Variants in TBL1XR1 observed in about 807,000 individuals in gnomAD.
TBL1XR1 encodes the protein F-box-like/WD repeat-containing protein TBL1XR1.
In TBL1XR1, 5 loss-of-function variants were observed where a neutral mutation model predicts 66.9. That is an observed-to-expected ratio of 0.07 (90% CI 0.04 to 0.16). TBL1XR1 has a LOEUF of 0.16. Ranked by LOEUF, TBL1XR1 falls within the 10% of genes least tolerant of loss-of-function variation. The probability of loss-of-function intolerance (pLI) is 1.00; values close to 1 mark genes in which losing one functional copy is unlikely to be tolerated. For missense variants in TBL1XR1, 238 were observed against 623.2 expected, an observed-to-expected ratio of 0.38 and a Z score of 6.58; for synonymous variants, 210 against 206.0, an observed-to-expected ratio of 1.02 and a Z score of -0.17.
intron 2 of TBL1XR1, among the ~76,000 whole-genome samples, chr3:177,077,529 T>C (rs1720840050): frequency 6.6e-6 from 1 of 152,220 alleles, no homozygotes; most frequent in African/African-American, 2.4e-5. Context: ...CGTCTCTCTT[T>C]CTACAGTACC....
chr3:177,198,251 A>G (rs1333393840), upstream of TBL1XR1, among the ~76,000 whole-genome samples: 1 of 152,252 alleles, frequency 6.6e-6, no homozygotes, highest in Middle Eastern at 3.2e-3. Flanking sequence ...GATACTAAAC[A>G]CAAAGCTGTA....
At chr3:177,050,339 C>T (rs991054218) in intron 6 of TBL1XR1, 139 bp downstream of exon 6, 10 of 1,278,856 alleles carry the variant, frequency 7.8e-6, no homozygotes, top group Non-Finnish European at 1.1e-5. Flanking sequence ...TCTACAATTA[C>T]TTCATGAAGG....
intron 1 of TBL1XR1, among the ~76,000 whole-genome samples, chr3:177,142,129 G>C (rs780623491): frequency 2.0e-5 from 3 of 152,172 alleles, no homozygotes; most frequent in African/African-American, 4.8e-5. Flanking sequence ...TTGTAGTGCA[G>C]GGTAGACAAG....
chr3:177,142,921 AAGAC>A (rs1203232381), intron 1 of TBL1XR1, among the ~76,000 whole-genome samples: 4 of 152,194 alleles, frequency 2.6e-5, no homozygotes, highest in African/African-American at 4.8e-5. Flanking sequence ...AGACAAAAAA[AAGAC>A]AGCATTCTGC....
intron 1 of TBL1XR1, among the ~76,000 whole-genome samples, chr3:177,104,141 G>GAGAGAGAA: frequency 6.7e-6 from 1 of 149,852 alleles, no homozygotes; most frequent in South Asian, 2.1e-4. Context: ...GAGAGAGAGA[G>GAGAGAGAA]AAATATATAA....
Position 177,098,470 on chromosome 3 carries a change from G to A in TBL1XR1, c.-50C>T. ...TTGGGAGTTGGAGAGTCTTACCATT[G>A]GCAGTGCATTGATGTGGGGATGTGC... On this transcript the variant is annotated 5_prime_UTR_variant, in exon 2 of 16. An upstream open reading frame in the 5' UTR gains an earlier in-frame stop. Coordinates refer to ENST00000457928, the MANE Select transcript of TBL1XR1 (RefSeq NM_024665.7). 1 of 985,524 alleles carries A rather than the reference G, an allele frequency of 1.0e-6. No homozygotes were observed. The highest frequency in any genetic ancestry group is 1.2e-6 in the Non-Finnish European group (1 of 829,698). 61.0% of individuals were successfully genotyped at this position (985,524 alleles called of 1,614,324 possible).
At chr3:177,026,616 T>A in intron 14 of TBL1XR1, 142 bp from the exon 15 acceptor site, 2 of 605,690 alleles carry the variant, frequency 3.3e-6, no homozygotes, top group Non-Finnish European at 5.4e-6. Context: ...AGTTCTGAAA[T>A]TCTAGAAATG....
intron 1 of TBL1XR1, chr3:177,160,727 G>C (rs1172100064): frequency 6.6e-6 from 1 of 152,084 alleles, no homozygotes; most frequent in Non-Finnish European, 1.5e-5. Flanking sequence ...CAGGCGTGGT[G>C]GTTCACACCT....
chr3:177,066,865 G>A (rs549410803), intron 2 of TBL1XR1, among the ~76,000 whole-genome samples: 1 of 152,290 alleles, frequency 6.6e-6, no homozygotes, highest in East Asian at 1.9e-4. Flanking sequence ...CACAGAGGAA[G>A]AGTGACAATT....
chr3:177,184,274 G>C (rs1735155338), intron 1 of TBL1XR1, among the ~76,000 whole-genome samples: 1 of 152,152 alleles, frequency 6.6e-6, no homozygotes, highest in Admixed American at 6.5e-5. Flanking sequence ...AAGTTTGTAA[G>C]TCATGACAGG....
intron 1 of TBL1XR1, among the ~76,000 whole-genome samples, chr3:177,100,367 T>G (rs926122083): frequency 2.6e-5 from 4 of 152,232 alleles, no homozygotes; most frequent in Non-Finnish European, 5.9e-5. Flanking sequence ...CATTAACTAG[T>G]ATCTAAAGGT....
At chr3:177,185,105 T>C (rs1222161621) in intron 1 of TBL1XR1, among the ~76,000 whole-genome samples, 1 of 152,016 alleles carries the variant, frequency 6.6e-6, no homozygotes, top group East Asian at 1.9e-4. Flanking sequence ...AATAAGAACA[T>C]CAACAGTTCA....
intron 1 of TBL1XR1, among the ~76,000 whole-genome samples, chr3:177,123,951 A>G (rs34279774): frequency 4.6e-5 from 7 of 152,114 alleles, no homozygotes; most frequent in Non-Finnish European, 8.8e-5. Context: ...TTCACAATCT[A>G]CAAACCACAA....
chr3:177,194,358 A>G (rs767959807), intron 1 of TBL1XR1, among the ~76,000 whole-genome samples: 1 of 152,230 alleles, frequency 6.6e-6, no homozygotes, highest in Non-Finnish European at 1.5e-5. Context: ...TCCAATTCAC[A>G]TGCACTAGAA....
chr3:177,115,673 CA>C (rs1239629593), intron 1 of TBL1XR1, among the ~76,000 whole-genome samples: 2 of 152,254 alleles, frequency 1.3e-5, no homozygotes, highest in East Asian at 3.9e-4. Context: ...TAATGCATCC[CA>C]AAATTTATAA....
At chr3:177,133,546 G>A (rs1016653997) in intron 1 of TBL1XR1, among the ~76,000 whole-genome samples, 1 of 152,108 alleles carries the variant, frequency 6.6e-6, no homozygotes, top group African/African-American at 2.4e-5. Context: ...CTCATATGCA[G>A]ACACACAGAA....
intron 2 of TBL1XR1, among the ~76,000 whole-genome samples, chr3:177,076,482 C>A (rs187043487): frequency 1.1e-3 from 170 of 152,232 alleles, no homozygotes; most frequent in African/African-American, 4.0e-3. Flanking sequence ...ACCCTATTTC[C>A]AAGTAAGATT....
In TBL1XR1 at chr3:177,025,438, G is replaced by C; in HGVS notation, c.*60C>G. On this transcript the variant is annotated 3_prime_UTR_variant, in exon 16 of 16. Transcript: ENST00000457928. ...GGGACTATAGCAGTACATGGGTCAGGGACAGTCATTTTGGCTATGTACACA... is the reference window on the plus strand; with the variant it reads ...GGGACTATAGCAGTACATGGGTCAGCGACAGTCATTTTGGCTATGTACACA... 1 of 1,584,310 alleles carries C rather than the reference G, an allele frequency of 6.3e-7. No individual in the cohort carries two copies. Among genetic ancestry groups the C allele is most frequent in the Non-Finnish European group, 8.7e-7 (1 of 1,155,500 alleles).
In TBL1XR1 at chr3:177,024,401, A is replaced by T. The variant is rs1291228881; in HGVS notation, c.*1097T>A. 1.3e-5 allele frequency: 2 copies of T among 152,582 alleles called. No homozygotes were observed. The highest frequency in any genetic ancestry group is 2.9e-5 in the Non-Finnish European group (2 of 68,000). The allele number at this position is 152,582 out of a possible 1,614,324, so 9.5% of individuals were successfully genotyped here. A position where few individuals can be genotyped will look rare whatever the true frequency, so the allele number is the denominator to read the frequency against. On this transcript the variant is annotated 3_prime_UTR_variant, in exon 16 of 16. Transcript: ENST00000457928. ...TAATACTGGAGTTTGGTTACATTACATATTTAAGCTTCTACACAGAATGAT... is the reference window on the plus strand; with the variant it reads ...TAATACTGGAGTTTGGTTACATTACTTATTTAAGCTTCTACACAGAATGAT...
Sources: gnomAD v4.1 joint callset for allele counts (sites outside exome capture counted in the v4.1 genomes callset) on GRCh38, gnomAD v4.1.1 for gene constraint, MANE v1.5 for transcripts, NCBI Gene and HGNC (gene_info 2026-07-23, HGNC 2026-07-21) for gene names.